Variants in SLC25A37 observed in about 807,000 individuals in gnomAD.
SLC25A37 encodes the protein mitoferrin-1.
Under a neutral mutation model 31.0 loss-of-function variants are expected in SLC25A37, and 17 were observed. The ratio of observed to expected loss-of-function variants is 0.55; its 90% CI spans 0.38 to 0.82. The LOEUF (loss-of-function observed/expected upper bound fraction) is 0.82. Among genes scored for constraint, SLC25A37 ranks in the 40% least tolerant of loss-of-function variants. The pLI is 0.00. For synonymous variants in SLC25A37, 222 were observed against 193.0 expected (o/e 1.15, Z -1.24); for missense variants, 404 against 465.8 (o/e 0.87, Z 1.22).
chr8:23,547,263 C>T (rs931142805), intron 1 of SLC25A37, among the ~76,000 whole-genome samples: 4 of 152,084 alleles, frequency 2.6e-5, no homozygotes, highest in Non-Finnish European at 5.9e-5. Context: ...ATTTGTCAAT[C>T]CAGAACCAAC....
rs1182840576 is a variant in SLC25A37, at chr8:23,575,112, C to G, written c.*3257C>G. ...CTTCATTTTTTTTTCTTTTAAAATG[C>G]TCATGTCTTATTCCAAGCACCTTCC... On this transcript the variant is annotated 3_prime_UTR_variant, in exon 4 of 4. Coordinates refer to ENST00000519973, the MANE Select transcript of SLC25A37 (RefSeq NM_016612.4). The G allele has an allele frequency of 6.6e-6, 1 of 152,082 alleles. No homozygotes were observed. Among genetic ancestry groups the G allele is most frequent in the South Asian group, 2.1e-4 (1 of 4,830 alleles). 9.4% of individuals were successfully genotyped at this position (152,082 alleles called of 1,614,324 possible).
intron 1 of SLC25A37, among the ~76,000 whole-genome samples, chr8:23,533,818 T>C (rs1480165999): frequency 6.6e-6 from 1 of 152,238 alleles, no homozygotes; most frequent in African/African-American, 2.4e-5. Flanking sequence ...CCTGTGATCA[T>C]GGTGTTGGCT....
intron 1 of SLC25A37, among the ~76,000 whole-genome samples, chr8:23,550,303 A>C (rs1802189537): frequency 9.9e-6 from 1 of 101,232 alleles, no homozygotes; most frequent in South Asian, 2.8e-4. Context: ...TTTAGTGAGC[A>C]TGGCATGGCG....
chr8:23,564,579 C>T (rs145188762), intron 1 of SLC25A37, among the ~76,000 whole-genome samples: 3 of 151,710 alleles, frequency 2.0e-5, no homozygotes, highest in Non-Finnish European at 4.4e-5. Context: ...AATGTAGTGA[C>T]TTTGGTGGGA....
chr8:23,555,204 T>C (rs148524694), intron 1 of SLC25A37, among the ~76,000 whole-genome samples: 45 of 152,346 alleles, frequency 3.0e-4, no homozygotes, highest in Non-Finnish European at 4.9e-4. Context: ...GGGAATTGTT[T>C]TCTTCCTCTC....
At chr8:23,540,046 G>T (rs1801857633) in intron 1 of SLC25A37, among the ~76,000 whole-genome samples, 1 of 152,020 alleles carries the variant, frequency 6.6e-6, no homozygotes, top group Non-Finnish European at 1.5e-5. Flanking sequence ...TCAATGCCTG[G>T]GTATGTTTAT....
chr8:23,537,414 A>G (rs571301725), intron 1 of SLC25A37, among the ~76,000 whole-genome samples: 1 of 152,278 alleles, frequency 6.6e-6, no homozygotes, highest in East Asian at 1.9e-4. Flanking sequence ...GCAGGGATGT[A>G]TGCTCTTCTG....
rs1370460554 is a variant in SLC25A37, at chr8:23,574,193, G to A, written c.*2338G>A. The A allele has an allele frequency of 3.9e-6, 1 of 255,538 alleles. No homozygotes were observed. The highest frequency in any genetic ancestry group is 8.0e-6 in the Non-Finnish European group (1 of 125,194). The allele number at this position is 255,538 out of a possible 1,614,324, so 15.8% of individuals were successfully genotyped here. A position where few individuals can be genotyped will look rare whatever the true frequency, so the allele number is the denominator to read the frequency against. ...GAAGGAGAGGTGAAGGTGGCGTGTG[G>A]TGGCTCATGCCTGTAATCCCAGCAC... On this transcript the variant is annotated 3_prime_UTR_variant, in exon 4 of 4. Coordinates refer to ENST00000519973, the MANE Select transcript of SLC25A37 (RefSeq NM_016612.4).
In SLC25A37 at chr8:23,571,491, C is replaced by T; in HGVS notation, c.653C>T (p.Thr218Ile). ...CCCTTCCAGTCCATCCACTTCATCA[C>T]CTATGAGTTCCTGCAGGAGCAGGTC... ...NIPFQSIHFI[T>I]YEFLQEQVNP... The change falls in exon 4 of 4, where the codon ACC becomes ATC. Residue 218 changes from threonine to isoleucine, a missense_variant. Coordinates refer to ENST00000519973, the MANE Select transcript of SLC25A37 (RefSeq NM_016612.4). 1 of 1,614,022 alleles carries T rather than the reference C, an allele frequency of 6.2e-7. No homozygotes were observed. Among genetic ancestry groups the T allele is most frequent in the Admixed American group, 1.7e-5 (1 of 60,030 alleles).
At chr8:23,555,459 G>A (rs1248302230) in intron 1 of SLC25A37, among the ~76,000 whole-genome samples, 1 of 152,132 alleles carries the variant, frequency 6.6e-6, no homozygotes, top group Non-Finnish European at 1.5e-5. Context: ...GAGAAGGGGG[G>A]TTTGGTGCTG....
chr8:23,571,142 C>T (rs1018590192), intron 3 of SLC25A37, among the ~76,000 whole-genome samples, 193 bp from the exon 4 acceptor site: 6 of 152,192 alleles, frequency 3.9e-5, no homozygotes, highest in African/African-American at 1.4e-4. Flanking sequence ...TGGATTTTAA[C>T]CTAGGACTGC....
intron 1 of SLC25A37, among the ~76,000 whole-genome samples, chr8:23,545,529 C>T (rs1585181083): frequency 6.6e-6 from 1 of 152,324 alleles, no homozygotes; most frequent in East Asian, 1.9e-4. Flanking sequence ...CGGGCACAGA[C>T]CTGCTGTCCT....
intron 1 of SLC25A37, among the ~76,000 whole-genome samples, chr8:23,548,953 C>A (rs1802148516): frequency 6.6e-6 from 1 of 152,230 alleles, no homozygotes; most frequent in Non-Finnish European, 1.5e-5. Flanking sequence ...GTCACTACCT[C>A]TGCCCTAACT....
chr8:23,551,484 A>G (rs910494412), intron 1 of SLC25A37, among the ~76,000 whole-genome samples: 10 of 152,030 alleles, frequency 6.6e-5, no homozygotes, highest in African/African-American at 2.4e-4. Flanking sequence ...AGTGCTCCCA[A>G]CCAGGGCAGA....
At chr8:23,536,204 TTAAA>T (rs1801764273) in intron 1 of SLC25A37, among the ~76,000 whole-genome samples, 1 of 152,186 alleles carries the variant, frequency 6.6e-6, no homozygotes, top group Non-Finnish European at 1.5e-5. Context: ...CCATCCTGTC[TTAAA>T]TAAACCCCAG....
chr8:23,566,415 C>T, intron 2 of SLC25A37, 79 bp downstream of exon 2: 2 of 1,520,210 alleles, frequency 1.3e-6, no homozygotes, highest in Non-Finnish European at 1.7e-6. Flanking sequence ...CTCCCTGTGA[C>T]CCAGCCGCCT....
chr8:23,558,487 G>A (rs1317272524), intron 1 of SLC25A37, among the ~76,000 whole-genome samples: 1 of 152,156 alleles, frequency 6.6e-6, no homozygotes, highest in Admixed American at 6.5e-5. Flanking sequence ...ACATGATCCC[G>A]CCAGCTCACC....
At chr8:23,534,819 G>A (rs969713509) in intron 1 of SLC25A37, among the ~76,000 whole-genome samples, 7 of 152,202 alleles carry the variant, frequency 4.6e-5, no homozygotes, top group Non-Finnish European at 1.0e-4. Context: ...GCACAGAACA[G>A]TTGATACTCT....
At chr8:23,554,628 C>T (rs1429062668) in intron 1 of SLC25A37, among the ~76,000 whole-genome samples, 1 of 152,164 alleles carries the variant, frequency 6.6e-6, no homozygotes, top group Non-Finnish European at 1.5e-5. Context: ...GGAGGCTTTT[C>T]TAGAGAAGGG....
Sources: allele counts gnomAD v4.1 joint callset (sites outside exome capture counted in the v4.1 genomes callset), GRCh38; gene constraint gnomAD v4.1.1; transcripts MANE v1.5; gene names NCBI Gene and HGNC (gene_info 2026-07-23, HGNC 2026-07-21).